The following EXTL3 variants were observed in gnomAD, a reference collection of about 807,000 sequenced individuals.
EXTL3 encodes the protein exostosin-like 3.
A neutral mutation model predicts 69.3 loss-of-function variants in EXTL3; 27 were observed. That is an observed-to-expected ratio of 0.39 (90% confidence interval 0.29 to 0.54). EXTL3 has a LOEUF of 0.54. Among genes scored for constraint, EXTL3 ranks in the 20% least tolerant of loss-of-function variants. The pLI is 0.69. For synonymous variants in EXTL3, 511 were observed against 499.4 expected, an observed-to-expected ratio of 1.02 and a Z score of -0.31; for missense variants, 1,003 against 1,231.8, an observed-to-expected ratio of 0.81 and a Z score of 2.78.
At chr8:28,667,151 G>A (rs544895402) in intron 1 of EXTL3, among the ~76,000 whole-genome samples, 30 of 152,356 alleles carry the variant, frequency 2.0e-4, no homozygotes, top group Non-Finnish European at 3.8e-4. Flanking sequence ...AACAAGTTAA[G>A]TAGGCAAAGA....
Position 28,716,133 on chromosome 8 carries a change from A to T in EXTL3, c.74A>T (p.Asn25Ile), listed in dbSNP as rs779935879. The change falls in exon 3 of 7, where the codon AAC becomes ATC. Residue 25 changes from asparagine to isoleucine, a missense_variant. Around this residue, in one of 2 missense-constraint regions of EXTL3, gnomAD observed 742 missense variants for 815.4 expected, o/e 0.91. Coordinates refer to ENST00000220562, the MANE Select transcript of EXTL3 (RefSeq NM_001440.4). This position sits in a 1 kb window ranked among gnomAD's most constrained non-coding sequence, Gnocchi z 7.1. The part of the protein sequence containing the change: ...GGQTCMLRWS[N>I]RIRLTWLSFT... Reference sequence around the variant, plus strand: ...CAGACCTGCATGCTGCGCTGGTCCAACCGCATCCGCCTCACGTGGCTCAGC... The same window carrying T: ...CAGACCTGCATGCTGCGCTGGTCCATCCGCATCCGCCTCACGTGGCTCAGC... 1 of 1,613,938 alleles carries T rather than the reference A, an allele frequency of 6.2e-7. No homozygotes were observed.
At chr8:28,644,254 C>A (rs1203929327) in intron 1 of EXTL3, among the ~76,000 whole-genome samples, 1 of 152,074 alleles carries the variant, frequency 6.6e-6, no homozygotes, top group African/African-American at 2.4e-5. Context: ...ATAAAGAGAT[C>A]ACAATTATCA....
At chr8:28,619,959 C>T (rs1261317290), upstream of EXTL3, among the ~76,000 whole-genome samples, 1 of 146,554 alleles carries the variant, frequency 6.8e-6, no homozygotes, top group Admixed American at 7.1e-5. Context: ...AAAGCTCCAC[C>T]TCCCGGGTTC....
chr8:28,656,172 A>G (rs1158964356), intron 1 of EXTL3, among the ~76,000 whole-genome samples: 1 of 131,166 alleles, frequency 7.6e-6, no homozygotes, highest in African/African-American at 3.2e-5. Flanking sequence ...AGGTTGTTCA[A>G]CCATTTTTTT....
intron 1 of EXTL3, among the ~76,000 whole-genome samples, chr8:28,641,645 G>A (rs1806744239): frequency 6.6e-6 from 1 of 150,634 alleles, no homozygotes; most frequent in South Asian, 2.1e-4. Flanking sequence ...CCTAATTTTT[G>A]TATTTTTAGT....
chr8:28,611,123 G>A (rs1331047524), intron 2 of EXTL3, among the ~76,000 whole-genome samples: 4 of 152,056 alleles, frequency 2.6e-5, no homozygotes, highest in African/African-American at 9.7e-5. Context: ...TCTGGGCTGG[G>A]GTTTCTTCAT....
chr8:28,636,635 C>T (rs1806660394), intron 1 of EXTL3, among the ~76,000 whole-genome samples: 1 of 152,152 alleles, frequency 6.6e-6, no homozygotes, highest in Non-Finnish European at 1.5e-5. Flanking sequence ...CCTAGGAATC[C>T]TTTCGGCCAC....
chr8:28,701,835 A>C (rs538958389), intron 1 of EXTL3, among the ~76,000 whole-genome samples, 176 bp downstream of exon 1: 4 of 152,000 alleles, frequency 2.6e-5, no homozygotes, highest in Non-Finnish European at 5.9e-5. Context: ...CTCCGAGCGG[A>C]GTAGGCCTGC....
At chr8:28,726,667 C>T (rs764119053) in intron 3 of EXTL3, among the ~76,000 whole-genome samples, 1 of 152,064 alleles carries the variant, frequency 6.6e-6, no homozygotes, top group African/African-American at 2.4e-5. Flanking sequence ...AGATACTAGA[C>T]GCAAGTAGCG....
At chr8:28,691,631 C>G (rs1012824478) in intron 1 of EXTL3, among the ~76,000 whole-genome samples, 9 of 145,412 alleles carry the variant, frequency 6.2e-5, no homozygotes, top group Non-Finnish European at 1.2e-4. Flanking sequence ...GGCACGGTGG[C>G]TCACGCCTGT....
At chr8:28,610,099 A>G (rs1232914807) in intron 2 of EXTL3, among the ~76,000 whole-genome samples, 1 of 152,042 alleles carries the variant, frequency 6.6e-6, no homozygotes, top group Non-Finnish European at 1.5e-5. Context: ...GCTACTCGGG[A>G]GGCTGAGGCA....
chr8:28,614,090 T>G (rs556560332), intron 2 of EXTL3, among the ~76,000 whole-genome samples: 28 of 152,072 alleles, frequency 1.8e-4, no homozygotes, highest in African/African-American at 6.7e-4. Flanking sequence ...CTCGGTCTCC[T>G]GATCCCTAGG....
chr8:28,722,033 C>T (rs1467365503), intron 3 of EXTL3, among the ~76,000 whole-genome samples: 4 of 152,142 alleles, frequency 2.6e-5, no homozygotes, highest in Admixed American at 6.5e-5. Flanking sequence ...GGCTAATTGA[C>T]GCAGGGTGCC....
intron 4 of EXTL3, among the ~76,000 whole-genome samples, chr8:28,736,493 A>T (rs568204145): frequency 5.3e-5 from 8 of 152,202 alleles, no homozygotes; most frequent in Non-Finnish European, 1.2e-4. Flanking sequence ...AAATTTGGAG[A>T]TGATATAGAA....
intron 1 of EXTL3, among the ~76,000 whole-genome samples, chr8:28,626,365 C>G (rs547606172): frequency 1.3e-5 from 2 of 152,118 alleles, no homozygotes; most frequent in Non-Finnish European, 2.9e-5. Flanking sequence ...CTTTAAGCAG[C>G]TTACTCTGAG....
chr8:28,642,960 T>C (rs1475834357), intron 1 of EXTL3, among the ~76,000 whole-genome samples: 1 of 150,998 alleles, frequency 6.6e-6, no homozygotes, highest in Non-Finnish European at 1.5e-5. Context: ...ATAACAACGG[T>C]GGGCCAGGCG....
At chr8:28,706,944 T>C (rs1800935778) in intron 1 of EXTL3, among the ~76,000 whole-genome samples, 1 of 152,158 alleles carries the variant, frequency 6.6e-6, no homozygotes, top group Non-Finnish European at 1.5e-5. Flanking sequence ...GAAAAGTGGC[T>C]GTACTTGAGA....
upstream of EXTL3, chr8:28,699,947 G>A (rs1192262842): frequency 6.6e-6 from 1 of 152,136 alleles, no homozygotes; most frequent in South Asian, 2.1e-4. Flanking sequence ...ACCAAGGCCT[G>A]GTAGTTCTTC....
intron 1 of EXTL3, among the ~76,000 whole-genome samples, chr8:28,658,817 G>A (rs895705642): frequency 6.6e-6 from 1 of 152,162 alleles, no homozygotes; most frequent in African/African-American, 2.4e-5. Context: ...CCAACCTCAA[G>A]TGATCCACCC....
Sources: allele counts gnomAD v4.1 joint callset (sites outside exome capture counted in the v4.1 genomes callset), GRCh38; gene constraint gnomAD v4.1.1; regional missense constraint gnomAD v4.1.1; non-coding constraint Gnocchi (gnomAD v3.1); transcripts MANE v1.5; gene names NCBI Gene and HGNC (gene_info 2026-07-23, HGNC 2026-07-21).